ALKAL1: variants seen among roughly 807,000 people sequenced by gnomAD.
ALKAL1 encodes the protein ALK and LTK ligand 1.
ALKAL1 carries 23 observed loss-of-function variants against 13.5 expected under a neutral mutation model. The observed-to-expected ratio is 1.70, with a 90% CI of 1.23 to 2.41. The LOEUF is 2.41. Among genes scored for constraint, ALKAL1 ranks in the 30% most tolerant of loss-of-function variants. ALKAL1 has a pLI of 0.00. For synonymous variants in ALKAL1, 85 were observed against 77.7 expected (o/e 1.09, Z -0.49); for missense variants, 181 against 178.4 (o/e 1.01, Z -0.08).
Position 52,537,414 on chromosome 8 carries a change from T to C in ALKAL1, c.*12+1017A>G, listed in dbSNP as rs59252335. 5.6e-3 allele frequency among the ~76,000 whole-genome samples: 847 copies of C among 152,108 alleles called. 8 individuals carry two copies. Among genetic ancestry groups the C allele is most frequent in the African/African-American group, 0.02 (813 of 41,490 alleles). ...GCCATTATGAACAACAGTATGGAAG[T>C]TTCTCAAGAACAAAACTAAAAATGG... On this transcript the variant is annotated intron_variant, in intron 4 of 4. Coordinates refer to ENST00000358543, the MANE Select transcript of ALKAL1 (RefSeq NM_207413.4).
rs398007812 is a variant in ALKAL1 at position 52,558,347 on chromosome 8, CAAAAAAAAAAAA to C, written c.190+6708_190+6719del. ...TGGGTGACAGAGTCAGACTCCATCT[CAAAAAAAAAAAA>C]AAAAAAAAAAAAAAGTTCAGAATGG... On this transcript the variant is annotated intron_variant, in intron 1 of 4. Coordinates refer to ENST00000358543, the MANE Select transcript of ALKAL1 (RefSeq NM_207413.4). 9.0e-4 allele frequency among the ~76,000 whole-genome samples: 17 copies of C among 18,876 alleles called. 1 individual carries two copies. The highest frequency in any genetic ancestry group is 1.9e-4 in the African/African-American group (1 of 5,266). The allele number at this position is 18,876 out of a possible 152,430, so 12.4% of individuals were successfully genotyped here.
At position 52,544,751 on chromosome 8, in the gene ALKAL1, C is replaced by T. The variant is rs114790589; in HGVS notation, c.191-2306G>A. 2.4e-3 allele frequency among the ~76,000 whole-genome samples: 369 copies of T among 151,952 alleles called. 2 individuals carry two copies. Among genetic ancestry groups the T allele is most frequent in the African/African-American group, 7.8e-3 (322 of 41,414 alleles). The stretch of plus-strand genomic sequence containing the variant: ...ACTAAGAGAGCAGAGTTCAGGAGTT[C>T]TCACCACCAAAAAAAAAGGGCAACT... On this transcript the variant is annotated intron_variant, in intron 1 of 4. Coordinates refer to ENST00000358543, the MANE Select transcript of ALKAL1 (RefSeq NM_207413.4).
Position 52,541,243 on chromosome 8 carries a change from A to C in ALKAL1, c.244+1149T>G, listed in dbSNP as rs543831850. Reference sequence around the variant, plus strand: ...ATAATCCCAATGCTTTGGGAGGCCAAGGCAGGAGGATCACTTGAGCCAGGA... The same window carrying C: ...ATAATCCCAATGCTTTGGGAGGCCACGGCAGGAGGATCACTTGAGCCAGGA... On this transcript the variant is annotated intron_variant, in intron 2 of 4. Coordinates refer to ENST00000358543, the MANE Select transcript of ALKAL1 (RefSeq NM_207413.4). Among the ~76,000 whole-genome samples the C allele has an allele frequency of 1.2e-4, 19 of 152,308 alleles. No individual in the cohort carries two copies. The South Asian group carries it at 3.9e-3, about 32-fold the overall frequency.
intron 1 of ALKAL1, among the ~76,000 whole-genome samples, chr8:52,551,324 T>C (rs1353776697): frequency 6.6e-6 from 1 of 152,156 alleles, no homozygotes; most frequent in African/African-American, 2.4e-5. Context: ...AGACAGAGTC[T>C]TGCCCTGTCA....
At chr8:52,535,991 T>A (rs904599270) in intron 4 of ALKAL1, among the ~76,000 whole-genome samples, 1 of 151,916 alleles carries the variant, frequency 6.6e-6, no homozygotes, top group African/African-American at 2.4e-5. Flanking sequence ...AAGCCTGGAG[T>A]GCAGTGCTGC....
At chr8:52,563,740 A>C (rs373823700) in intron 1 of ALKAL1, among the ~76,000 whole-genome samples, 34 of 152,220 alleles carry the variant, frequency 2.2e-4, no homozygotes, top group African/African-American at 7.7e-4. Flanking sequence ...AGGGCTCCCC[A>C]GTGGCCGGCT....
At chr8:52,560,903 G>C (rs1056681010) in intron 1 of ALKAL1, among the ~76,000 whole-genome samples, 6 of 151,986 alleles carry the variant, frequency 3.9e-5, no homozygotes, top group African/African-American at 1.5e-4. Context: ...CATACTAACA[G>C]TTTTCAGTAA....
intron 3 of ALKAL1, among the ~76,000 whole-genome samples, chr8:52,539,491 A>G (rs1847293033): frequency 6.6e-6 from 1 of 152,172 alleles, no homozygotes; most frequent in Admixed American, 6.5e-5. Flanking sequence ...CTTAGAGTTC[A>G]CAGTCATCTC....
intron 1 of ALKAL1, among the ~76,000 whole-genome samples, chr8:52,563,821 A>C (rs1225446508): frequency 6.6e-6 from 1 of 151,902 alleles, no homozygotes; most frequent in African/African-American, 2.4e-5. Context: ...CACCTTCTCC[A>C]TCCCCTCCCC....
At chr8:52,559,506 A>C (rs892669232) in intron 1 of ALKAL1, among the ~76,000 whole-genome samples, 1 of 152,202 alleles carries the variant, frequency 6.6e-6, no homozygotes, top group Non-Finnish European at 1.5e-5. Flanking sequence ...AGTTAAAAAA[A>C]TTCTGATGGT....
At chr8:52,559,782 G>A (rs1847521161) in intron 1 of ALKAL1, among the ~76,000 whole-genome samples, 1 of 152,110 alleles carries the variant, frequency 6.6e-6, no homozygotes, top group Non-Finnish European at 1.5e-5. Context: ...ATGGTAGGAA[G>A]TAAATAAGAC....
At chr8:52,559,041 C>T (rs1847513414) in intron 1 of ALKAL1, among the ~76,000 whole-genome samples, 2 of 152,080 alleles carry the variant, frequency 1.3e-5, no homozygotes. Context: ...TAACAACTAG[C>T]TCTCAAGAAA....
In ALKAL1 at chr8:52,535,385, C is replaced by CA. The variant is rs879837990; in HGVS notation, c.*13-786dup. 7.8e-3 allele frequency among the ~76,000 whole-genome samples: 906 copies of CA among 116,440 alleles called. 3 individuals are homozygous for CA. The highest frequency in any genetic ancestry group is 0.018 in the Middle Eastern group (4 of 224). 76.4% of individuals were successfully genotyped at this position (116,440 alleles called of 152,430 possible). A position where few individuals can be genotyped will look rare whatever the true frequency, so the allele number is the denominator to read the frequency against. On this transcript the variant is annotated intron_variant, in intron 4 of 4. Transcript: ENST00000358543. ...CAGCACAGTGGGACTCTGTTGCCAC[C>CA]AAAAAAAAAAAAAAAATTAGATGAG...
intron 1 of ALKAL1, among the ~76,000 whole-genome samples, chr8:52,556,308 A>C (rs1012227793): frequency 5.9e-5 from 9 of 152,204 alleles, no homozygotes; most frequent in African/African-American, 2.4e-5. Context: ...TAAGCACTCC[A>C]TAAGAAATGT....
At chr8:52,544,423 G>A (rs1847346114) in intron 1 of ALKAL1, among the ~76,000 whole-genome samples, 2 of 152,170 alleles carry the variant, frequency 1.3e-5, no homozygotes, top group Non-Finnish European at 2.9e-5. Flanking sequence ...CAAGTATTGG[G>A]GGAAATGTCC....
At chr8:52,563,223 G>C (rs1428452946) in intron 1 of ALKAL1, among the ~76,000 whole-genome samples, 1 of 152,122 alleles carries the variant, frequency 6.6e-6, no homozygotes, top group African/African-American at 2.4e-5. Context: ...TTCGAGACCA[G>C]CCTAGCGCAA....
At chr8:52,551,384 T>C (rs1847428706) in intron 1 of ALKAL1, among the ~76,000 whole-genome samples, 1 of 152,018 alleles carries the variant, frequency 6.6e-6, no homozygotes, top group African/African-American at 2.4e-5. Context: ...AGCTTCAAAC[T>C]GCTGGGCTTA....
At chr8:52,538,600 A>G (rs989323900) in intron 3 of ALKAL1, 93 bp from the exon 4 acceptor site, 4 of 788,968 alleles carry the variant, frequency 5.1e-6, no homozygotes, top group East Asian at 2.7e-5. Context: ...TATAACAATA[A>G]CTACAGTTTA....
At chr8:52,545,363 T>A (rs1847359016) in intron 1 of ALKAL1, among the ~76,000 whole-genome samples, 1 of 152,216 alleles carries the variant, frequency 6.6e-6, no homozygotes, top group Non-Finnish European at 1.5e-5. Flanking sequence ...GATTGCTTCC[T>A]CTGCCCTATT....
Sources: allele counts gnomAD v4.1 joint callset (sites outside exome capture counted in the v4.1 genomes callset), GRCh38; gene constraint gnomAD v4.1.1; transcripts MANE v1.5; gene names NCBI Gene and HGNC (gene_info 2026-07-23, HGNC 2026-07-21).